SATB2: variants seen among roughly 807,000 people sequenced by gnomAD.
SATB2 encodes the protein DNA-binding protein SATB2.
In SATB2, 1 loss-of-function variant was observed where a neutral mutation model predicts 73.4. That is an observed-to-expected ratio of 0.01 (90% CI 0.00 to 0.06). The LOEUF is 0.06. SATB2 is among the 10% of genes least tolerant of loss of function. The pLI is 1.00. For missense variants in SATB2, 459 were observed against 945.8 expected, an observed-to-expected ratio of 0.49 and a Z score of 6.75; for synonymous variants, 397 against 367.0, an observed-to-expected ratio of 1.08 and a Z score of -0.93.
chr2:199,419,331 T>C (rs1253633875), intron 3 of SATB2, among the ~76,000 whole-genome samples: 1 of 152,168 alleles, frequency 6.6e-6, no homozygotes, highest in Non-Finnish European at 1.5e-5. Flanking sequence ...TCAACACATA[T>C]CTTCCAGGAA....
upstream of SATB2, among the ~76,000 whole-genome samples, chr2:199,467,790 C>T (rs370855707): frequency 2.6e-5 from 4 of 152,306 alleles, no homozygotes; most frequent in African/African-American, 7.2e-5. Flanking sequence ...GCCTAGGACA[C>T]AGGACCCCGG....
At chr2:199,450,309 CTG>C (rs1403016338) in intron 2 of SATB2, among the ~76,000 whole-genome samples, 1 of 152,132 alleles carries the variant, frequency 6.6e-6, no homozygotes, top group Admixed American at 6.5e-5. Context: ...CACTGACAAA[CTG>C]TTACACATAC....
chr2:199,375,133 C>T (rs1353464984), intron 5 of SATB2, among the ~76,000 whole-genome samples: 2 of 151,976 alleles, frequency 1.3e-5, no homozygotes, highest in Non-Finnish European at 2.9e-5. Flanking sequence ...AATCAAAAGC[C>T]GACCTTAGGT....
chr2:199,465,009 G>A (rs1047331129), exon 1 of SATB2: 9 of 152,232 alleles, frequency 5.9e-5, no homozygotes, highest in African/African-American at 1.7e-4. Context: ...GAAATTTTAC[G>A]AGGGGAACTT....
chr2:199,283,382 G>A (rs1353104997), intron 10 of SATB2, among the ~76,000 whole-genome samples: 4 of 150,854 alleles, frequency 2.7e-5, no homozygotes, highest in Non-Finnish European at 4.4e-5. Context: ...GAGCTACCAC[G>A]CCCAGCCAAA....
At chr2:199,408,156 C>T (rs545099759) in intron 3 of SATB2, among the ~76,000 whole-genome samples, 2 of 152,134 alleles carry the variant, frequency 1.3e-5, no homozygotes, top group Admixed American at 1.3e-4. Context: ...TCGTGGGCCC[C>T]GCCTATTCAA....
At chr2:199,424,478 A>G (rs1691269768) in intron 3 of SATB2, among the ~76,000 whole-genome samples, 1 of 152,230 alleles carries the variant, frequency 6.6e-6, no homozygotes, top group Non-Finnish European at 1.5e-5. Context: ...TAAGTAATAA[A>G]TAAATTGAAC....
intron 7 of SATB2, among the ~76,000 whole-genome samples, chr2:199,329,836 C>T (rs1688137658): frequency 6.6e-6 from 1 of 152,112 alleles, no homozygotes; most frequent in Non-Finnish European, 1.5e-5. Flanking sequence ...TAAGGTGGGA[C>T]ATTGTCGTAC....
At chr2:199,434,979 A>G (rs184175464) in intron 2 of SATB2, among the ~76,000 whole-genome samples, 1 of 152,276 alleles carries the variant, frequency 6.6e-6, no homozygotes, top group African/African-American at 2.4e-5. Context: ...CTTATTAACA[A>G]TAATAATACT....
In SATB2 at chr2:199,457,305, G is replaced by C. The variant is rs1443019273; in HGVS notation, c.-60+34C>G. On this transcript the variant is annotated intron_variant, in intron 1 of 10. Transcript: ENST00000417098. The surrounding 1 kb of genome is among the most constrained non-coding windows in gnomAD (Gnocchi z 4.8). ...GCCCTGGGCTTCCCCGAACTCCCGA[G>C]CGCGGCGCGGGAGCCCTCGCCCTGC... 1 of 152,106 alleles carries C rather than the reference G, an allele frequency of 6.6e-6. No individual in the cohort carries two copies. Among genetic ancestry groups the C allele is most frequent in the African/African-American group, 2.4e-5 (1 of 41,386 alleles). 9.4% of individuals were successfully genotyped at this position (152,106 alleles called of 1,614,324 possible). A position where few individuals can be genotyped will look rare whatever the true frequency, so the allele number is the denominator to read the frequency against.
intron 7 of SATB2, among the ~76,000 whole-genome samples, chr2:199,331,523 A>G (rs1005381619): frequency 7.2e-5 from 11 of 152,188 alleles, no homozygotes; most frequent in Non-Finnish European, 1.6e-4. Flanking sequence ...TTATTTATTA[A>G]AACTCTCATA....
chr2:199,396,484 T>C (rs1559028903), intron 3 of SATB2: 3 of 152,170 alleles, frequency 2.0e-5, no homozygotes, highest in African/African-American at 4.8e-5. Flanking sequence ...AAAATGAGAA[T>C]AACATTTTGC....
rs151149762 is a variant in SATB2 at position 199,329,375 on chromosome 2, T to C, written c.1174-465A>G. 323 of 156,542 alleles carry C rather than the reference T, an allele frequency of 2.1e-3. 10 individuals are homozygous for C. In the East Asian group the frequency reaches 0.03, roughly 14 times the overall value. 9.7% of individuals were successfully genotyped at this position (156,542 alleles called of 1,614,324 possible). On this transcript the variant is annotated intron_variant, in intron 7 of 10. Transcript: ENST00000417098. ...ATTTACATCAATTTAAAAAAAAAACTGGCTGAATTTCTGTATGACCGGCCA... is the reference window on the plus strand; with the variant it reads ...ATTTACATCAATTTAAAAAAAAAACCGGCTGAATTTCTGTATGACCGGCCA...
chr2:199,452,515 C>T (rs1403200229), intron 2 of SATB2, among the ~76,000 whole-genome samples: 1 of 152,144 alleles, frequency 6.6e-6, no homozygotes, highest in African/African-American at 2.4e-5. Flanking sequence ...TTTCATCATC[C>T]TTAATAATCC....
At chr2:199,420,102 G>A (rs1414575454) in intron 3 of SATB2, among the ~76,000 whole-genome samples, 3 of 152,192 alleles carry the variant, frequency 2.0e-5, no homozygotes, top group Admixed American at 6.5e-5. Context: ...GAATGCCTGG[G>A]TTTGAACATT....
chr2:199,340,372 T>C (rs1004291369), intron 7 of SATB2, among the ~76,000 whole-genome samples: 4 of 152,330 alleles, frequency 2.6e-5, no homozygotes, highest in Middle Eastern at 6.8e-3. Flanking sequence ...AAGCAAGGCC[T>C]TTGATGTAAG....
intron 9 of SATB2, among the ~76,000 whole-genome samples, chr2:199,312,899 A>G (rs184342552): frequency 3.3e-5 from 5 of 152,306 alleles, no homozygotes; most frequent in African/African-American, 1.2e-4. Flanking sequence ...GAAGTGTTCA[A>G]CAAAATAACC....
intron 7 of SATB2, 39 bp from the exon 8 acceptor site, chr2:199,328,949 T>C: frequency 6.6e-7 from 1 of 1,504,380 alleles, no homozygotes; most frequent in South Asian, 1.1e-5. Context: ...AAGTCACATT[T>C]GCAGGTATAT....
Position 199,308,740 on chromosome 2 carries a change from C to G in SATB2, c.1740+20G>C. 1 of 1,609,554 alleles carries G rather than the reference C, an allele frequency of 6.2e-7. No individual in the cohort carries two copies. The highest frequency in any genetic ancestry group is 8.5e-7 in the Non-Finnish European group (1 of 1,176,146). ...CACAGAGCCCTGATCAGGTGGGGTA[C>G]GGCGGTCGGGGACACTGACCTGCAC... On this transcript the variant is annotated intron_variant, in intron 10 of 10. Coordinates refer to ENST00000417098, the MANE Select transcript of SATB2 (RefSeq NM_001172509.2). This position sits in a 1 kb window ranked among gnomAD's most constrained non-coding sequence, Gnocchi z 4.6.
Sources: allele counts gnomAD v4.1 joint callset (sites outside exome capture counted in the v4.1 genomes callset), GRCh38; gene constraint gnomAD v4.1.1; non-coding constraint Gnocchi (gnomAD v3.1); transcripts MANE v1.5; gene names NCBI Gene and HGNC (gene_info 2026-07-23, HGNC 2026-07-21).